The following FAM184A variants were observed in gnomAD, a reference collection of about 807,000 sequenced individuals.
FAM184A encodes protein FAM184A.
A neutral mutation model predicts 143.8 loss-of-function variants in FAM184A; 99 were observed. That is an observed-to-expected ratio of 0.69 (90% confidence interval 0.58 to 0.81). FAM184A has a LOEUF of 0.81. Among genes scored for constraint, FAM184A ranks in the 40% least tolerant of loss-of-function variants. FAM184A has a pLI of 0.00. For synonymous variants in FAM184A, 427 were observed against 446.4 expected (o/e 0.96, Z 0.55); for missense variants, 1,217 against 1,310.5 (o/e 0.93, Z 1.10).
At chr6:119,146,928 A>G (rs1047458925) in intron 1 of FAM184A, among the ~76,000 whole-genome samples, 6 of 152,000 alleles carry the variant, frequency 3.9e-5, no homozygotes, top group African/African-American at 1.5e-4. Flanking sequence ...GCTTGCATTT[A>G]TAGCTCTTGC....
chr6:119,129,031 G>A (rs564951115), intron 1 of FAM184A, among the ~76,000 whole-genome samples: 1 of 152,230 alleles, frequency 6.6e-6, no homozygotes, highest in East Asian at 1.9e-4. Flanking sequence ...TCTTTGTGCT[G>A]ACTTTAAACT....
chr6:119,028,214 TG>T (rs1463169882), intron 1 of FAM184A, among the ~76,000 whole-genome samples: 1 of 152,236 alleles, frequency 6.6e-6, no homozygotes, highest in Admixed American at 6.5e-5. Context: ...GGCAACTTTC[TG>T]TCACTGCAAA....
At chr6:119,032,246 T>C (rs1274448152) in intron 1 of FAM184A, among the ~76,000 whole-genome samples, 1 of 150,748 alleles carries the variant, frequency 6.6e-6, no homozygotes, top group African/African-American at 2.4e-5. Context: ...CACTCCAACC[T>C]GGGCAACAAA....
At chr6:118,987,586 G>T (rs2114601549) in intron 9 of FAM184A, among the ~76,000 whole-genome samples, 1 of 152,184 alleles carries the variant, frequency 6.6e-6, no homozygotes, top group South Asian at 2.1e-4. Context: ...ACTCTATTTT[G>T]CTTTTCATCT....
At chr6:118,965,209 T>TG (rs1562453258) in intron 15 of FAM184A, among the ~76,000 whole-genome samples, 1 of 112,028 alleles carries the variant, frequency 8.9e-6, no homozygotes, top group African/African-American at 3.0e-5. Context: ...TTGTTTGTTT[T>TG]TTTTTTTTTT....
At chr6:119,023,822 T>TAA (rs11353751) in intron 2 of FAM184A, 137 bp downstream of exon 2, 4,829 of 414,648 alleles carry the variant, frequency 0.012, 26 homozygotes, top group South Asian at 0.016. Flanking sequence ...CAGGAAAAGT[T>TAA]AAAAAAAAAA....
intron 1 of FAM184A, among the ~76,000 whole-genome samples, chr6:119,114,421 C>G (rs942622799): frequency 1.3e-5 from 2 of 152,228 alleles, no homozygotes; most frequent in African/African-American, 4.8e-5. Context: ...TCCTAACCTT[C>G]CATGGCTGTA....
chr6:118,979,719 G>C (rs1267117426), intron 10 of FAM184A, among the ~76,000 whole-genome samples: 1 of 152,062 alleles, frequency 6.6e-6, no homozygotes, highest in African/African-American at 2.4e-5. Context: ...AAATCATCAT[G>C]AAACCAATTT....
chr6:118,974,387 T>A (rs774618882), intron 14 of FAM184A, 41 bp downstream of exon 14: 2 of 1,560,152 alleles, frequency 1.3e-6, no homozygotes, highest in Admixed American at 1.9e-5. Context: ...GCTCCTAAAT[T>A]TATTATCCAC....
At chr6:119,105,707 G>C (rs931716657) in intron 1 of FAM184A, among the ~76,000 whole-genome samples, 1 of 152,094 alleles carries the variant, frequency 6.6e-6, no homozygotes, top group Non-Finnish European at 1.5e-5. Flanking sequence ...CTGCAAACAG[G>C]TACCTTCAGT....
chr6:118,983,209 T>C (rs1235835249), intron 9 of FAM184A, among the ~76,000 whole-genome samples: 1 of 152,190 alleles, frequency 6.6e-6, no homozygotes, highest in East Asian at 1.9e-4. Flanking sequence ...TAAAAACAAG[T>C]TAGCAGAATT....
intron 2 of FAM184A, 24 bp from the exon 3 acceptor site, chr6:119,023,104 G>A (rs1308130181): frequency 6.2e-7 from 1 of 1,612,514 alleles, no homozygotes; most frequent in Non-Finnish European, 8.5e-7. Flanking sequence ...AATAGCCATT[G>A]TTAAAATGCA....
intron 9 of FAM184A, among the ~76,000 whole-genome samples, chr6:118,988,520 A>G (rs1419156236): frequency 6.6e-6 from 1 of 152,246 alleles, no homozygotes; most frequent in East Asian, 1.9e-4. Context: ...AGGTTCACGG[A>G]GAATTTCTCT....
chr6:119,015,679 C>T lies in FAM184A; in HGVS notation c.1530+1068G>A, dbSNP rs189569456. 1.2e-3 allele frequency among the ~76,000 whole-genome samples: 178 copies of T among 152,368 alleles called. 1 individual carries two copies. Among genetic ancestry groups the T allele is most frequent in the African/African-American group, 4.1e-3 (171 of 41,594 alleles). On this transcript the variant is annotated intron_variant, in intron 5 of 17. Transcript: ENST00000338891. ...TGCCCCCTGCTCCACGGCGCCCAGT[C>T]CCATCGACCGCCCAAGGGCTGAGGA...
At chr6:119,083,782 C>T (rs142526022) in intron 1 of FAM184A, among the ~76,000 whole-genome samples, 1 of 152,174 alleles carries the variant, frequency 6.6e-6, no homozygotes, top group Admixed American at 6.5e-5. Flanking sequence ...TCCAAACTTT[C>T]CCACATCTTC....
In FAM184A at chr6:119,002,923, C is replaced by T. The variant is rs1309664339; in HGVS notation, c.2064G>A (p.Lys688=). The T allele has an allele frequency of 6.2e-7, 1 of 1,611,328 alleles. No individual in the cohort carries two copies. The highest frequency in any genetic ancestry group is 1.3e-5 in the African/African-American group (1 of 74,830). The part of the protein sequence containing the change: ...EKNAARDSWQ[K]KVEDLLNQIS... ...CCTGGTTTAAGAGATCTTCTACTTT[C>T]TTCTGCCATGAATCTCTTGCTGCAT... is the stretch of plus-strand genomic sequence containing the variant. Residue 688 remains lysine, a synonymous_variant, in exon 9 of 18, where the codon AAG becomes AAA. Transcript: ENST00000338891.
intron 9 of FAM184A, among the ~76,000 whole-genome samples, chr6:118,984,178 TTTA>T (rs1562461115): frequency 5.7e-5 from 8 of 141,262 alleles, no homozygotes; most frequent in African/African-American, 2.1e-4. Flanking sequence ...TATATATATA[TTTA>T]TATATATATT....
intron 14 of FAM184A, among the ~76,000 whole-genome samples, chr6:118,970,767 A>G (rs1042177220): frequency 2.0e-5 from 3 of 152,224 alleles, no homozygotes; most frequent in African/African-American, 4.8e-5. Context: ...AGTAGAACAT[A>G]TAAAATTACT....
intron 1 of FAM184A, among the ~76,000 whole-genome samples, chr6:119,099,061 G>C (rs927638430): frequency 3.4e-4 from 52 of 152,170 alleles, no homozygotes; most frequent in African/African-American, 1.2e-3. Flanking sequence ...AGTGAGCCGA[G>C]ATCATGCCAT....
Sources: allele counts gnomAD v4.1 joint callset (sites outside exome capture counted in the v4.1 genomes callset), GRCh38; gene constraint gnomAD v4.1.1; transcripts MANE v1.5; gene names NCBI Gene and HGNC (gene_info 2026-07-23, HGNC 2026-07-21).